Variants in GPC6 observed in about 807,000 individuals in gnomAD.
GPC6 encodes glypican 6.
A neutral mutation model predicts 55.2 loss-of-function variants in GPC6; 14 were observed. The ratio of observed to expected loss-of-function variants is 0.25; its 90% CI spans 0.17 to 0.40. GPC6 has a LOEUF of 0.40. Among genes scored for constraint, GPC6 ranks in the 10% least tolerant of loss-of-function variants. The pLI is 1.00. For synonymous variants in GPC6, 278 were observed against 259.6 expected (o/e 1.07, Z -0.68); for missense variants, 641 against 708.5 (o/e 0.90, Z 1.08).
At chr13:94,203,980 C>T (rs1889829672) in intron 4 of GPC6, among the ~76,000 whole-genome samples, 1 of 152,100 alleles carries the variant, frequency 6.6e-6, no homozygotes. Flanking sequence ...CCAAAAGTCT[C>T]AGCAAAACTA....
chr13:94,293,297 C>A (rs139664516), intron 5 of GPC6, among the ~76,000 whole-genome samples: 54 of 152,286 alleles, frequency 3.5e-4, no homozygotes, highest in Non-Finnish European at 2.9e-4. Context: ...AGGGAGGGAA[C>A]TGGTAGGAGG....
intron 2 of GPC6, among the ~76,000 whole-genome samples, chr13:93,641,563 C>G (rs188503285): frequency 7.6e-4 from 116 of 152,178 alleles, no homozygotes; most frequent in East Asian, 5.4e-3. Context: ...AAGCTGTATA[C>G]AAGTGTCTTA....
intron 1 of GPC6, among the ~76,000 whole-genome samples, chr13:93,468,391 A>C (rs1878990390): frequency 6.6e-6 from 1 of 151,924 alleles, no homozygotes; most frequent in Non-Finnish European, 1.5e-5. Flanking sequence ...TCTTTTATAA[A>C]AAAGAGTTCC....
intron 4 of GPC6, among the ~76,000 whole-genome samples, chr13:94,186,702 T>A (rs1039087053): frequency 5.9e-5 from 9 of 152,200 alleles, no homozygotes; most frequent in Non-Finnish European, 8.8e-5. Context: ...CATGCAGAAT[T>A]ATTTTTATAG....
At chr13:93,490,135 A>G (rs1461380242) in intron 1 of GPC6, among the ~76,000 whole-genome samples, 2 of 151,454 alleles carry the variant, frequency 1.3e-5, no homozygotes, top group African/African-American at 4.8e-5. Flanking sequence ...ATTTTGAGAT[A>G]TGTCCCATCA....
At chr13:93,273,669 A>C (rs1198164000) in intron 1 of GPC6, among the ~76,000 whole-genome samples, 1 of 152,180 alleles carries the variant, frequency 6.6e-6, no homozygotes, top group Non-Finnish European at 1.5e-5. Flanking sequence ...AAAAACAAAC[A>C]AACAAACAAG....
chr13:94,275,440 G>A (rs1298844375), intron 4 of GPC6, among the ~76,000 whole-genome samples: 1 of 152,112 alleles, frequency 6.6e-6, no homozygotes, highest in Non-Finnish European at 1.5e-5. Context: ...TGGGACGGTA[G>A]AGTATCTGGA....
intron 1 of GPC6, among the ~76,000 whole-genome samples, chr13:93,299,596 T>A (rs1313284767): frequency 6.6e-6 from 1 of 152,162 alleles, no homozygotes; most frequent in African/African-American, 2.4e-5. Context: ...CTATTAAGAG[T>A]TAAAGCATAT....
chr13:93,450,088 G>A (rs553221194), intron 1 of GPC6, among the ~76,000 whole-genome samples: 2 of 152,196 alleles, frequency 1.3e-5, no homozygotes, highest in East Asian at 1.9e-4. Context: ...GCCTGGCCAG[G>A]TTCCACTCTT....
At chr13:93,368,079 C>T (rs1881311630) in intron 1 of GPC6, among the ~76,000 whole-genome samples, 1 of 151,964 alleles carries the variant, frequency 6.6e-6, no homozygotes, top group African/African-American at 2.4e-5. Flanking sequence ...TTCTATTGTC[C>T]TTTTGCTTCA....
chr13:93,626,433 A>C (rs1417503080), intron 2 of GPC6, among the ~76,000 whole-genome samples: 1 of 152,118 alleles, frequency 6.6e-6, no homozygotes, highest in African/African-American at 2.4e-5. Context: ...GCCACACCCC[A>C]TCTATTCCTT....
chr13:93,941,942 T>G (rs1277978830), intron 3 of GPC6, among the ~76,000 whole-genome samples: 2 of 152,186 alleles, frequency 1.3e-5, no homozygotes, highest in Non-Finnish European at 2.9e-5. Context: ...TTGACTCTTA[T>G]TATTTGTAGT....
At position 93,432,606 on chromosome 13, in the gene GPC6, G is replaced by A. The variant is rs1330518234; in HGVS notation, c.161-112657G>A. On this transcript the variant is annotated intron_variant, in intron 1 of 8. Coordinates refer to ENST00000377047, the MANE Select transcript of GPC6 (RefSeq NM_005708.5). Reference sequence around the variant, plus strand: ...AGAACTTGTAGTTTAAACCACAATGGCGTTACTAATGCCCCAAAATACCTC... The same window carrying A: ...AGAACTTGTAGTTTAAACCACAATGACGTTACTAATGCCCCAAAATACCTC... Among the ~76,000 whole-genome samples, 7 of 152,066 alleles carry A rather than the reference G, an allele frequency of 4.6e-5. No homozygotes were observed. In the East Asian group the frequency reaches 1.2e-3, roughly 25 times the overall value.
chr13:94,139,244 T>C (rs759751924), intron 4 of GPC6, among the ~76,000 whole-genome samples: 1 of 152,182 alleles, frequency 6.6e-6, no homozygotes, highest in African/African-American at 2.4e-5. Context: ...GTTTGGGTGA[T>C]AGGTACCCTA....
At chr13:94,187,883 A>G (rs1206708974) in intron 4 of GPC6, 2 of 152,212 alleles carry the variant, frequency 1.3e-5, no homozygotes, top group East Asian at 3.8e-4. Flanking sequence ...TGTCATACAG[A>G]ATTAGAATAT....
chr13:94,144,878 C>T (rs1887507265), intron 4 of GPC6, among the ~76,000 whole-genome samples: 1 of 151,950 alleles, frequency 6.6e-6, no homozygotes, highest in African/African-American at 2.4e-5. Flanking sequence ...AAATTTTATA[C>T]ATTTAAATTT....
At position 93,227,731 on chromosome 13, in the gene GPC6, C is replaced by T; in HGVS notation, c.160+115C>T. ...TGCTGAGTTGGTGCTCACTTTCTGC[C>T]ACCGCTATGGGACTCCGCGTCTCCG... is the stretch of plus-strand genomic sequence containing the variant. On this transcript the variant is annotated intron_variant, in intron 1 of 8. Transcript: ENST00000377047. This position sits in a 1 kb window ranked among gnomAD's most constrained non-coding sequence, Gnocchi z 4.3. The T allele has an allele frequency of 1.3e-6, 1 of 794,280 alleles. No homozygotes were observed. The highest frequency in any genetic ancestry group is 2.7e-5 in the East Asian group (1 of 36,552). The allele number at this position is 794,280 out of a possible 1,614,324, so 49.2% of individuals were successfully genotyped here. A position where few individuals can be genotyped will look rare whatever the true frequency, so the allele number is the denominator to read the frequency against.
intron 4 of GPC6, among the ~76,000 whole-genome samples, chr13:94,181,884 T>C (rs1041701423): frequency 3.9e-5 from 6 of 152,240 alleles, no homozygotes; most frequent in Admixed American, 1.3e-4. Context: ...CCATTAGTCC[T>C]GGTTAATCTT....
intron 1 of GPC6, among the ~76,000 whole-genome samples, chr13:93,262,884 A>G (rs1273902631): frequency 6.6e-6 from 1 of 152,182 alleles, no homozygotes; most frequent in Non-Finnish European, 1.5e-5. Flanking sequence ...TCAGTCAGAA[A>G]ATAGTGAGAG....
Sources: allele counts gnomAD v4.1 joint callset (sites outside exome capture counted in the v4.1 genomes callset), GRCh38; gene constraint gnomAD v4.1.1; non-coding constraint Gnocchi (gnomAD v3.1); transcripts MANE v1.5; gene names NCBI Gene and HGNC (gene_info 2026-07-23, HGNC 2026-07-21).